Variants in GABRG3 observed in about 807,000 individuals in gnomAD.
GABRG3 encodes gamma-aminobutyric acid type A receptor subunit gamma3.
In GABRG3, 25 loss-of-function variants were observed where a neutral mutation model predicts 48.8. That is an observed-to-expected ratio of 0.51 (90% CI 0.37 to 0.72). GABRG3 has a LOEUF of 0.72. Among genes scored for constraint, GABRG3 ranks in the 30% least tolerant of loss-of-function variants. The pLI, the probability that GABRG3 is intolerant of heterozygous loss-of-function variation, is 0.00. For synonymous variants in GABRG3, 227 were observed against 217.6 expected, an observed-to-expected ratio of 1.04 and a Z score of -0.38; for missense variants, 394 against 577.9, an observed-to-expected ratio of 0.68 and a Z score of 3.26.
intron 5 of GABRG3, among the ~76,000 whole-genome samples, chr15:27,369,475 G>C (rs1168267915): frequency 6.6e-6 from 1 of 152,184 alleles, no homozygotes; most frequent in African/African-American, 2.4e-5. Context: ...AAAACTGGAA[G>C]ATATTCTAGG....
chr15:27,121,290 G>A (rs1897726993), intron 3 of GABRG3, among the ~76,000 whole-genome samples: 1 of 152,182 alleles, frequency 6.6e-6, no homozygotes, highest in Non-Finnish European at 1.5e-5. Context: ...GATGTTCACG[G>A]TTGCTGTAAG....
At chr15:27,412,531 G>A (rs1887827724) in intron 5 of GABRG3, among the ~76,000 whole-genome samples, 2 of 152,200 alleles carry the variant, frequency 1.3e-5, no homozygotes, top group South Asian at 4.1e-4. Context: ...AATAAAGCGT[G>A]TTTATATTGT....
At chr15:27,309,318 GTT>G (rs1555370539) in intron 3 of GABRG3, among the ~76,000 whole-genome samples, 3 of 151,036 alleles carry the variant, frequency 2.0e-5, no homozygotes, top group African/African-American at 7.3e-5. Flanking sequence ...GTGTGTGTGT[GTT>G]TGTATATATA....
intron 6 of GABRG3, among the ~76,000 whole-genome samples, chr15:27,485,473 G>A (rs977474394): frequency 2.0e-5 from 3 of 152,108 alleles, no homozygotes; most frequent in Non-Finnish European, 2.9e-5. Context: ...GGGGCGTCAC[G>A]GTGAGCATGC....
intron 5 of GABRG3, among the ~76,000 whole-genome samples, chr15:27,475,437 C>A (rs985739761): frequency 6.6e-6 from 1 of 151,702 alleles, no homozygotes; most frequent in Non-Finnish European, 1.5e-5. Flanking sequence ...TGATGATGAC[C>A]GTGATGATGA....
intron 3 of GABRG3, among the ~76,000 whole-genome samples, chr15:27,131,979 A>T (rs1436572658): frequency 6.6e-6 from 1 of 151,954 alleles, no homozygotes; most frequent in Admixed American, 6.6e-5. Context: ...AAGTTGGATT[A>T]TTTATATTTT....
chr15:27,046,087 CT>C (rs576009945), intron 3 of GABRG3, among the ~76,000 whole-genome samples: 4 of 151,856 alleles, frequency 2.6e-5, no homozygotes, highest in African/African-American at 4.8e-5. Context: ...ACTTCTTTTT[CT>C]TTTTTTTCTT....
Position 27,475,411 on chromosome 15 carries a change from A to G in GABRG3, c.575-5239A>G, listed in dbSNP as rs1470972248. ...GTTCGTAGACTATAATTACAGTTAT[A>G]TGGACAGTGGTATGGTGATGATGAC... On this transcript the variant is annotated intron_variant, in intron 5 of 9. Transcript: ENST00000615808. 2.0e-5 allele frequency among the ~76,000 whole-genome samples: 3 copies of G among 152,314 alleles called. No homozygotes were observed. The East Asian group carries it at 5.8e-4, about 29-fold the overall frequency.
chr15:27,223,597 CTGTA>C (rs1889518782), intron 3 of GABRG3, among the ~76,000 whole-genome samples: 1 of 152,206 alleles, frequency 6.6e-6, no homozygotes, highest in Non-Finnish European at 1.5e-5. Context: ...AATCTTACTA[CTGTA>C]ACACAGCCAC....
At chr15:27,318,629 G>GTTGTT (rs150250861) in intron 3 of GABRG3, among the ~76,000 whole-genome samples, 48 of 152,276 alleles carry the variant, frequency 3.2e-4, no homozygotes, top group Admixed American at 5.9e-4. Context: ...TGCATTTACT[G>GTTGTT]TTGTTTTGTT....
At chr15:27,484,698 T>C (rs1890179171) in intron 6 of GABRG3, among the ~76,000 whole-genome samples, 1 of 152,144 alleles carries the variant, frequency 6.6e-6, no homozygotes, top group South Asian at 2.1e-4. Context: ...TAGAGAATCT[T>C]GCAGTTCCAG....
chr15:27,298,931 G>C (rs1007726334), intron 3 of GABRG3, among the ~76,000 whole-genome samples: 1 of 151,896 alleles, frequency 6.6e-6, no homozygotes, highest in East Asian at 1.9e-4. Context: ...ATAAGTTCCT[G>C]TTCTGGGTTA....
At chr15:27,129,490 A>C (rs1344012072) in intron 3 of GABRG3, among the ~76,000 whole-genome samples, 1 of 152,172 alleles carries the variant, frequency 6.6e-6, no homozygotes, top group Non-Finnish European at 1.5e-5. Flanking sequence ...GGTTATTGTG[A>C]ATAATGCTAC....
chr15:27,306,272 A>C (rs1303146625), intron 3 of GABRG3, among the ~76,000 whole-genome samples: 1 of 139,456 alleles, frequency 7.2e-6, no homozygotes, highest in Non-Finnish European at 1.5e-5. Flanking sequence ...ATGTAAACAT[A>C]TATAACATAA....
At chr15:27,114,893 G>A (rs1307608602) in intron 3 of GABRG3, among the ~76,000 whole-genome samples, 1 of 151,928 alleles carries the variant, frequency 6.6e-6, no homozygotes. Flanking sequence ...ACTCGCAGAT[G>A]TAATTAGCAT....
At chr15:27,451,229 G>A (rs571201557) in intron 5 of GABRG3, among the ~76,000 whole-genome samples, 18 of 152,090 alleles carry the variant, frequency 1.2e-4, no homozygotes, top group African/African-American at 3.4e-4. Context: ...CAAATATCCA[G>A]AACAATTCTC....
chr15:27,163,188 A>G (rs1887254319), intron 3 of GABRG3, among the ~76,000 whole-genome samples: 1 of 152,084 alleles, frequency 6.6e-6, no homozygotes, highest in Admixed American at 6.5e-5. Flanking sequence ...GTATCCTCAG[A>G]GACTCCTACT....
At chr15:27,269,771 A>G (rs989711823) in intron 3 of GABRG3, among the ~76,000 whole-genome samples, 7 of 152,238 alleles carry the variant, frequency 4.6e-5, no homozygotes, top group Admixed American at 4.6e-4. Context: ...ATCAAAAGGC[A>G]TCACTGGGTC....
At chr15:27,057,350 T>C (rs1896567733) in intron 3 of GABRG3, among the ~76,000 whole-genome samples, 3 of 152,196 alleles carry the variant, frequency 2.0e-5, no homozygotes, top group South Asian at 4.1e-4. Context: ...GTAGTTTCAG[T>C]AGAGAATGTT....
Sources: gnomAD v4.1 joint callset for allele counts (sites outside exome capture counted in the v4.1 genomes callset) on GRCh38, gnomAD v4.1.1 for gene constraint, MANE v1.5 for transcripts, NCBI Gene and HGNC (gene_info 2026-07-23, HGNC 2026-07-21) for gene names.